Variants in PRKG1 observed in about 807,000 individuals in gnomAD.
PRKG1 encodes cGMP-dependent protein kinase 1.
PRKG1 carries 35 observed loss-of-function variants against 88.1 expected under a neutral mutation model. The ratio of observed to expected loss-of-function variants is 0.40; its 90% CI spans 0.30 to 0.53. The LOEUF (loss-of-function observed/expected upper bound fraction) is 0.53. Among genes scored for constraint, PRKG1 ranks in the 20% least tolerant of loss-of-function variants. PRKG1 has a pLI of 0.59. For synonymous variants in PRKG1, 303 were observed against 292.5 expected (o/e 1.04, Z -0.37); for missense variants, 540 against 839.8 (o/e 0.64, Z 4.41).
intron 9 of PRKG1, among the ~76,000 whole-genome samples, chr10:52,163,674 T>A (rs1430951534): frequency 1.3e-5 from 2 of 152,312 alleles, no homozygotes; most frequent in South Asian, 2.1e-4. Context: ...GAGTTAGTCA[T>A]AGGTTTCTCA....
At chr10:51,199,663 G>A (rs748110445) in intron 2 of PRKG1, among the ~76,000 whole-genome samples, 1 of 152,134 alleles carries the variant, frequency 6.6e-6, no homozygotes, top group Non-Finnish European at 1.5e-5. Context: ...AAGTGAGGTC[G>A]GGGTATTTCA....
intron 3 of PRKG1, among the ~76,000 whole-genome samples, chr10:51,524,896 A>T (rs1841836911): frequency 6.6e-6 from 1 of 152,204 alleles, no homozygotes; most frequent in African/African-American, 2.4e-5. Flanking sequence ...TTTGTTTTCC[A>T]ATTACATTTT....
chr10:51,688,867 C>T (rs899263950), intron 3 of PRKG1, among the ~76,000 whole-genome samples: 3 of 152,158 alleles, frequency 2.0e-5, no homozygotes, highest in African/African-American at 7.2e-5. Context: ...TGTGTCCCCA[C>T]TCAAATCTCA....
intron 2 of PRKG1, among the ~76,000 whole-genome samples, chr10:51,237,710 TA>T (rs747114752): frequency 2.6e-5 from 4 of 152,146 alleles, no homozygotes; most frequent in Non-Finnish European, 5.9e-5. Flanking sequence ...AGTACCTCCC[TA>T]AATATCTATA....
intron 4 of PRKG1, among the ~76,000 whole-genome samples, chr10:51,901,571 A>G (rs755024304): frequency 4.6e-5 from 7 of 152,330 alleles, no homozygotes; most frequent in East Asian, 3.9e-4. Flanking sequence ...AGTGAATGCA[A>G]TATGGTAACT....
intron 3 of PRKG1, among the ~76,000 whole-genome samples, chr10:51,540,191 A>G (rs1842265788): frequency 1.3e-5 from 2 of 152,338 alleles, no homozygotes; most frequent in Admixed American, 1.3e-4. Flanking sequence ...AGCTATAATC[A>G]TGTTACACAA....
At chr10:51,948,653 G>A (rs1843114266) in intron 5 of PRKG1, among the ~76,000 whole-genome samples, 1 of 151,974 alleles carries the variant, frequency 6.6e-6, no homozygotes, top group South Asian at 2.1e-4. Context: ...TAGACTCTGA[G>A]TATTACTTCT....
intron 2 of PRKG1, among the ~76,000 whole-genome samples, chr10:51,444,266 A>G (rs2132754913): frequency 6.6e-6 from 1 of 151,824 alleles, no homozygotes; most frequent in South Asian, 2.1e-4. Flanking sequence ...AAGCCAACAG[A>G]GAATTGCACC....
At chr10:51,760,108 T>A (rs1468631622) in intron 3 of PRKG1, among the ~76,000 whole-genome samples, 2 of 152,246 alleles carry the variant, frequency 1.3e-5, no homozygotes, top group Non-Finnish European at 2.9e-5. Flanking sequence ...ATGACTAATC[T>A]ACCACTATTT....
chr10:51,825,166 G>A (rs527400216), intron 4 of PRKG1, among the ~76,000 whole-genome samples: 34 of 152,230 alleles, frequency 2.2e-4, no homozygotes, highest in African/African-American at 8.2e-4. Context: ...ATTGAAGTTG[G>A]AAATAGTTAA....
chr10:51,864,384 A>G (rs1840963187), intron 4 of PRKG1, among the ~76,000 whole-genome samples: 1 of 152,204 alleles, frequency 6.6e-6, no homozygotes, highest in Non-Finnish European at 1.5e-5. Flanking sequence ...AAATATTTTC[A>G]TATTCTACAT....
chr10:52,242,191 T>C (rs1446643047), intron 9 of PRKG1: 2 of 152,196 alleles, frequency 1.3e-5, no homozygotes, highest in Non-Finnish European at 2.9e-5. Flanking sequence ...CTCACCTCTC[T>C]GGCCCTGGGT....
chr10:51,554,119 G>A (rs567386007), intron 3 of PRKG1, among the ~76,000 whole-genome samples: 3 of 144,340 alleles, frequency 2.1e-5, no homozygotes, highest in African/African-American at 5.1e-5. Context: ...TATGTGATAC[G>A]TGTATATATT....
At chr10:51,174,528 AG>A (rs1470005211) in intron 2 of PRKG1, among the ~76,000 whole-genome samples, 1 of 152,002 alleles carries the variant, frequency 6.6e-6, no homozygotes, top group Non-Finnish European at 1.5e-5. Context: ...AAGAAGAAAA[AG>A]AAAGAAAAAA....
intron 3 of PRKG1, among the ~76,000 whole-genome samples, chr10:51,532,507 C>T (rs934532887): frequency 5.3e-5 from 8 of 152,120 alleles, no homozygotes; most frequent in African/African-American, 1.7e-4. Flanking sequence ...ATTTTAATAT[C>T]TTAGTGAGTT....
intron 4 of PRKG1, among the ~76,000 whole-genome samples, chr10:51,892,551 C>T (rs1841748395): frequency 6.6e-6 from 1 of 152,174 alleles, no homozygotes; most frequent in African/African-American, 2.4e-5. Flanking sequence ...TTGAGCAAGA[C>T]TCAGTCACCA....
intron 2 of PRKG1, among the ~76,000 whole-genome samples, chr10:51,358,879 G>C (rs1842420700): frequency 7.0e-6 from 1 of 143,808 alleles, no homozygotes; most frequent in South Asian, 2.3e-4. Flanking sequence ...TAAGAATCAA[G>C]TTTTCCTTTA....
At chr10:52,190,583 A>G (rs1839335395) in intron 9 of PRKG1, among the ~76,000 whole-genome samples, 1 of 152,180 alleles carries the variant, frequency 6.6e-6, no homozygotes, top group African/African-American at 2.4e-5. Context: ...AGATTCAGAA[A>G]TTGAGGCCTA....
chr10:51,546,949 G>T (rs1030292862), intron 3 of PRKG1, among the ~76,000 whole-genome samples: 1 of 152,116 alleles, frequency 6.6e-6, no homozygotes, highest in East Asian at 1.9e-4. Flanking sequence ...AATTATTATT[G>T]AATCTTATTA....
Sources: allele counts gnomAD v4.1 joint callset (sites outside exome capture counted in the v4.1 genomes callset), GRCh38; gene constraint gnomAD v4.1.1; transcripts MANE v1.5; gene names NCBI Gene and HGNC (gene_info 2026-07-23, HGNC 2026-07-21).